The following PRKCSH variants were observed in gnomAD, a reference collection of about 807,000 sequenced individuals.
PRKCSH encodes PRKCSH beta subunit of glucosidase II.
Under a neutral mutation model 79.7 loss-of-function variants are expected in PRKCSH, and 42 were observed. The ratio of observed to expected loss-of-function variants is 0.53; its 90% confidence interval spans 0.41 to 0.68. The LOEUF (loss-of-function observed/expected upper bound fraction) is 0.68, where lower values mean the gene tolerates loss of function less well. Ranked by LOEUF, PRKCSH falls within the 30% of genes least tolerant of loss-of-function variation. PRKCSH has a pLI of 0.00. For synonymous variants in PRKCSH, 325 were observed against 288.2 expected (o/e 1.13, Z -1.29); for missense variants, 686 against 709.0 (o/e 0.97, Z 0.37).
rs767980900 is a variant in PRKCSH at position 11,436,131 on chromosome 19, T to C, written c.14T>C (p.Leu5Pro). 5 of 1,605,164 alleles carry C rather than the reference T, an allele frequency of 3.1e-6. No homozygotes were observed. Among genetic ancestry groups the C allele is most frequent in the East Asian group, 2.2e-5 (1 of 44,584 alleles). The change falls in exon 2 of 18, where the codon CTG becomes CCG. Residue 5 changes from leucine to proline, a missense_variant. Physicochemically the swap from Leu to Pro is moderately conservative, Grantham distance 98. Around this residue, in one of 2 missense-constraint regions of PRKCSH, gnomAD observed 549 missense variants for 520.2 expected, o/e 1.06. Transcript: ENST00000677123. MLLP[L>P]LLLLPMCWAV... is the part of the protein sequence containing the mutation. ...GCGTCTGGTGAGATGCTGTTGCCGC[T>C]GCTGCTGCTGCTACCCATGTGCTGG...
rs567727880 is a variant in PRKCSH at position 11,440,059 on chromosome 19, A to C, written c.351-1181A>C. On this transcript the variant is annotated intron_variant, in intron 5 of 17. Transcript: ENST00000677123. Reference sequence around the variant, plus strand: ...AAAAAGTAAAAAAAAAACAAAAAAAACACAAAGTCCTATCAGTTGTTGGCA... The same window carrying C: ...AAAAAGTAAAAAAAAAACAAAAAAACCACAAAGTCCTATCAGTTGTTGGCA... Among the ~76,000 whole-genome samples the C allele has an allele frequency of 9.2e-5, 14 of 152,144 alleles. No homozygotes were observed. In the South Asian group the frequency reaches 1.5e-3, roughly 16 times the overall value.
At chr19:11,436,004 C>G in intron 1 of PRKCSH, 37 bp from the exon 2 acceptor site, 1 of 1,408,116 alleles carries the variant, frequency 7.1e-7, no homozygotes, top group South Asian at 1.1e-5. Flanking sequence ...TGGAAGTAGC[C>G]CTCTCCCACT....
chr19:11,441,123 A>G, intron 5 of PRKCSH, 117 bp from the exon 6 acceptor site: 1 of 1,007,692 alleles, frequency 9.9e-7, no homozygotes, highest in Admixed American at 1.7e-5. Context: ...GCTTGCTCTC[A>G]TCTTTCCCAG....
Position 11,436,154 on chromosome 19 carries a change from T to G in PRKCSH, c.37T>G (p.Trp13Gly). 1 of 1,604,772 alleles carries G rather than the reference T, an allele frequency of 6.2e-7. No individual in the cohort carries two copies. Among genetic ancestry groups the G allele is most frequent in the Non-Finnish European group, 8.5e-7 (1 of 1,177,126 alleles). ...LPLLLLLPMC[W>G]AVEVKRPRGV... is the part of the protein sequence containing the mutation. ...GCTGCTGCTGCTGCTACCCATGTGC[T>G]GGGCCGTGGAGGTCAAGAGGCCCCG... Residue 13 changes from tryptophan (W) to glycine (G), a missense_variant, in exon 2 of 18, where the codon TGG becomes GGG. By Grantham distance (184) the Trp-to-Gly change is radical. Transcript: ENST00000677123.
chr19:11,440,498 G>A (rs1174636307), intron 5 of PRKCSH, among the ~76,000 whole-genome samples: 1 of 150,780 alleles, frequency 6.6e-6, no homozygotes, highest in East Asian at 2.0e-4. Flanking sequence ...CCAGGCTGGA[G>A]TGCAGTGGCA....
rs560998521 is a variant in PRKCSH at position 11,447,509 on chromosome 19, T to C, written c.920T>C (p.Val307Ala). The C allele has an allele frequency of 6.8e-6, 11 of 1,612,648 alleles. No individual in the cohort carries two copies. The East Asian group carries it at 2.5e-4, about 36-fold the overall frequency. Residue 307 changes from valine to alanine, a missense_variant, in exon 11 of 18, where the codon GTG becomes GCG. This residue lies in a region of PRKCSH where 549 missense variants were observed against 520.2 expected (regional missense o/e 1.06). Transcript: ENST00000677123. The surrounding 1 kb of genome is among the most constrained non-coding windows in gnomAD (Gnocchi z 5.6). The part of the protein sequence containing the change: ...LTEPKEEQPP[V>A]PSSPTEEEEE... ...GAGCCCAAGGAGGAGCAGCCGCCAG[T>C]GCCCTCGTCGCCCACAGAGGAGGAG...
In PRKCSH at chr19:11,448,410, A is replaced by T; in HGVS notation, c.1196+119A>T. 2 of 1,465,710 alleles carry T rather than the reference A, an allele frequency of 1.4e-6. No individual in the cohort carries two copies. The highest frequency in any genetic ancestry group is 1.2e-5 in the South Asian group (1 of 84,612). 90.8% of individuals were successfully genotyped at this position (1,465,710 alleles called of 1,614,324 possible). A position where few individuals can be genotyped will look rare whatever the true frequency, so the allele number is the denominator to read the frequency against. ...CAGGCTGGGCCTGGTCCCTGCAGGGAGGGTCCCTGGGAGGTGGCAGGGAGG... is the reference window on the plus strand; with the variant it reads ...CAGGCTGGGCCTGGTCCCTGCAGGGTGGGTCCCTGGGAGGTGGCAGGGAGG... On this transcript the variant is annotated intron_variant, in intron 13 of 17. Transcript: ENST00000677123. This position sits in a 1 kb window ranked among gnomAD's most constrained non-coding sequence, Gnocchi z 4.4.
rs756127892 is a variant in PRKCSH, at chr19:11,446,341, G to A, written c.753G>A (p.Ala251=). 5.0e-5 allele frequency: 81 copies of A among 1,613,254 alleles called. No homozygotes were observed. The East Asian group carries it at 1.4e-3, about 27-fold the overall frequency. ...DTDGDGALSE[A]EAQALLSGDT... ...ATGGGGATGGGGCGTTGTCAGAAGCGGAAGCTCAGGTACCCCCGGCTGCCC... is the reference window on the plus strand; with the variant it reads ...ATGGGGATGGGGCGTTGTCAGAAGCAGAAGCTCAGGTACCCCCGGCTGCCC... The change falls in exon 9 of 18, where the codon GCG becomes GCA. Residue 251 remains alanine (A), a synonymous_variant. Transcript: ENST00000677123.
chr19:11,445,293 T>TA, intron 7 of PRKCSH, 96 bp from the exon 8 acceptor site: 1 of 1,127,356 alleles, frequency 8.9e-7, no homozygotes, highest in Non-Finnish European at 1.3e-6. Flanking sequence ...GGGCCAGGCA[T>TA]ATAGTAGGCG....
intron 5 of PRKCSH, among the ~76,000 whole-genome samples, chr19:11,438,531 C>T (rs569157529): frequency 4.0e-5 from 6 of 151,740 alleles, no homozygotes; most frequent in Non-Finnish European, 5.9e-5. Context: ...CTGAGGCAGG[C>T]GGATCACGAG....
chr19:11,447,872 C>CT lies in PRKCSH; in HGVS notation c.1126+85dup. 7.1e-7 allele frequency: 1 copy of CT among 1,414,594 alleles called. No homozygotes were observed. Among genetic ancestry groups the CT allele is most frequent in the South Asian group, 1.4e-5 (1 of 72,632 alleles). The allele number at this position is 1,414,594 out of a possible 1,614,324, so 87.6% of individuals were successfully genotyped here. ...GCACAGGTCGAGGGAAGATCCTGAG[C>CT]TTAGACCCTGCTCTGACTCGGCCAG... On this transcript the variant is annotated intron_variant, in intron 12 of 17. Coordinates refer to ENST00000677123, the MANE Select transcript of PRKCSH (RefSeq NM_001289104.2). This position sits in a 1 kb window ranked among gnomAD's most constrained non-coding sequence, Gnocchi z 5.6.
At chr19:11,437,230 G>A (rs1969807330) in intron 3 of PRKCSH, among the ~76,000 whole-genome samples, 1 of 149,886 alleles carries the variant, frequency 6.7e-6, no homozygotes, top group Non-Finnish European at 1.5e-5. Context: ...AGTAGATACA[G>A]GGTTTCACTG....
chr19:11,435,758 A>G, intron 1 of PRKCSH, 52 bp downstream of exon 1: 1 of 1,367,944 alleles, frequency 7.3e-7, no homozygotes, highest in Non-Finnish European at 9.6e-7. Flanking sequence ...ACAGGGGGCA[A>G]CCGGAGGGTG....
chr19:11,439,499 A>G (rs1969948342), intron 5 of PRKCSH, among the ~76,000 whole-genome samples: 1 of 151,676 alleles, frequency 6.6e-6, no homozygotes, highest in Admixed American at 6.6e-5. Context: ...TCACACCTGT[A>G]ATCCCAGCAC....
chr19:11,436,702 C>A, intron 3 of PRKCSH, 197 bp downstream of exon 3: 1 of 582,510 alleles, frequency 1.7e-6, no homozygotes, highest in African/African-American at 1.9e-5. Flanking sequence ...GCCTCGGGGT[C>A]AGAGAAGGCT....
chr19:11,441,144 T>C, intron 5 of PRKCSH, 96 bp from the exon 6 acceptor site: 2 of 1,205,538 alleles, frequency 1.7e-6, no homozygotes, highest in East Asian at 2.3e-5. Context: ...CATGGCTTGG[T>C]GGGGGGCCAC....
chr19:11,446,211 C>A, intron 8 of PRKCSH, 61 bp from the exon 9 acceptor site: 3 of 1,550,228 alleles, frequency 1.9e-6, no homozygotes, highest in Non-Finnish European at 2.7e-6. Context: ...CCACATGGTG[C>A]CCCCAACTGA....
chr19:11,438,779 G>A (rs972899149), intron 5 of PRKCSH, among the ~76,000 whole-genome samples: 7 of 148,578 alleles, frequency 4.7e-5, no homozygotes, highest in Non-Finnish European at 8.9e-5. Flanking sequence ...AAAAAAAAAA[G>A]CATACAACAG....
intron 5 of PRKCSH, among the ~76,000 whole-genome samples, chr19:11,440,567 T>C (rs1041357385): frequency 1.3e-5 from 2 of 152,100 alleles, no homozygotes; most frequent in African/African-American, 4.8e-5. Context: ...TGCCTCAGCC[T>C]CCCGTGTAGC....
Sources: gnomAD v4.1 joint callset for allele counts (sites outside exome capture counted in the v4.1 genomes callset) on GRCh38, gnomAD v4.1.1 for gene constraint, gnomAD v4.1.1 regional missense constraint, Gnocchi (gnomAD v3.1) non-coding constraint, MANE v1.5 for transcripts, NCBI Gene and HGNC (gene_info 2026-07-23, HGNC 2026-07-21) for gene names.